Variants in RXFP1 observed in about 807,000 individuals in gnomAD.
RXFP1 encodes the protein relaxin family peptide receptor 1.
Under a neutral mutation model 89.8 loss-of-function variants are expected in RXFP1, and 73 were observed. The observed-to-expected ratio is 0.81, with a 90% CI of 0.67 to 0.99. RXFP1 has a LOEUF of 0.99. Ranked by LOEUF, RXFP1 falls within the 50% of genes least tolerant of loss-of-function variation. The pLI is 0.00. For synonymous variants in RXFP1, 277 were observed against 305.5 expected, an observed-to-expected ratio of 0.91 and a Z score of 0.97; for missense variants, 793 against 895.5, an observed-to-expected ratio of 0.89 and a Z score of 1.46.
At chr4:158,541,519 A>T (rs1746629509) in intron 1 of RXFP1, among the ~76,000 whole-genome samples, 1 of 152,242 alleles carries the variant, frequency 6.6e-6, no homozygotes. Flanking sequence ...AGTTTAAAAT[A>T]TAAAAATATT....
intron 1 of RXFP1, 39 bp from the exon 2 acceptor site, chr4:158,572,659 A>T (rs1755329911): frequency 8.8e-6 from 14 of 1,595,740 alleles, no homozygotes; most frequent in Non-Finnish European, 1.2e-5. Context: ...CTTTGTATTA[A>T]CCACCTTCAA....
At chr4:158,571,870 C>T (rs1755142553) in intron 1 of RXFP1, among the ~76,000 whole-genome samples, 1 of 152,152 alleles carries the variant, frequency 6.6e-6, no homozygotes, top group Admixed American at 6.5e-5. Context: ...GTGGCGATTC[C>T]CGCTCCCTTT....
chr4:158,626,842 C>A lies in RXFP1; in HGVS notation c.778C>A (p.His260Asn). ...HWLDLEGNHI[H>N]NLRNLTFISC... ...CAGGGACCTTGAAGGCAACCATATC[C>A]ATAATTTAAGAAATTTGACTTTTAT... Residue 260 changes from histidine to asparagine, a missense_variant, in exon 10 of 18, where the codon CAT becomes AAT. Physicochemically the swap from His to Asn is moderately conservative, Grantham distance 68 (BLOSUM62 1). Transcript: ENST00000307765. 1 of 1,562,634 alleles carries A rather than the reference C, an allele frequency of 6.4e-7. No individual in the cohort carries two copies. The highest frequency in any genetic ancestry group is 8.7e-7 in the Non-Finnish European group (1 of 1,147,266).
chr4:158,568,087 T>C (rs1754084600), intron 1 of RXFP1, among the ~76,000 whole-genome samples: 1 of 152,178 alleles, frequency 6.6e-6, no homozygotes, highest in South Asian at 2.1e-4. Flanking sequence ...CTTTATGAGC[T>C]GTAATACTCA....
intron 9 of RXFP1, among the ~76,000 whole-genome samples, chr4:158,624,996 C>T (rs1397367475): frequency 6.6e-6 from 1 of 152,108 alleles, no homozygotes; most frequent in Non-Finnish European, 1.5e-5. Context: ...AATATTTTTG[C>T]CAGCCTAATA....
At chr4:158,610,933 A>T (rs1032224597) in intron 6 of RXFP1, among the ~76,000 whole-genome samples, 1 of 152,222 alleles carries the variant, frequency 6.6e-6, no homozygotes, top group Non-Finnish European at 1.5e-5. Context: ...TTTACTCAAG[A>T]TATGAAAGAC....
intron 6 of RXFP1, chr4:158,610,815 A>G: frequency 1.3e-6 from 1 of 753,836 alleles, no homozygotes; most frequent in Non-Finnish European, 1.9e-6. Flanking sequence ...TTTGCAAAGG[A>G]GGGAAGGAAG....
At position 158,593,462 on chromosome 4, in the gene RXFP1, T is replaced by G; in HGVS notation, c.249T>G (p.Thr83=). The G allele has an allele frequency of 6.2e-7, 1 of 1,611,466 alleles. No individual in the cohort carries two copies. Among genetic ancestry groups the G allele is most frequent in the Admixed American group, 1.7e-5 (1 of 59,802 alleles). ...DKYFASYYKM[T]SQYPFEAETP... is the part of the protein sequence containing the mutation. ...ATTTTGCCAGTTACTACAAAATGACTTCCCAATATCCTTTTGAGGCAGAAA... is the reference window on the plus strand; with the variant it reads ...ATTTTGCCAGTTACTACAAAATGACGTCCCAATATCCTTTTGAGGCAGAAA... The change falls in exon 3 of 18, where the codon ACT becomes ACG. Residue 83 remains threonine, a synonymous_variant. Transcript: ENST00000307765.
At chr4:158,612,073 C>G in intron 6 of RXFP1, 57 bp from the exon 7 acceptor site, 1 of 1,365,368 alleles carries the variant, frequency 7.3e-7, no homozygotes, top group Non-Finnish European at 1.0e-6. Context: ...TTTTACTTTT[C>G]TTATTGTAAG....
In RXFP1 at chr4:158,628,655, A is replaced by G; in HGVS notation, c.845A>G (p.Lys282Arg). ...ACTTTCAGAGTGATGAGGAAAAACA[A>G]AATTAATCACTTAAATGAAAATACT... ...NLTVLVMRKNKINHLNENTFA... is the reference protein window; with the variant it reads ...NLTVLVMRKNRINHLNENTFA... The change falls in exon 11 of 18, where the codon AAA (lysine) becomes AGA (arginine). Residue 282 changes from lysine (K) to arginine (R), a missense_variant. By Grantham distance (26) the Lys-to-Arg change is conservative. Transcript: ENST00000307765. 1 of 1,565,494 alleles carries G rather than the reference A, an allele frequency of 6.4e-7. No individual in the cohort carries two copies.
intron 12 of RXFP1, 65 bp downstream of exon 12, chr4:158,633,541 T>C: frequency 9.6e-7 from 1 of 1,040,050 alleles, no homozygotes; most frequent in Non-Finnish European, 1.4e-6. Flanking sequence ...TTGTAAAATA[T>C]GCATAACATA....
chr4:158,573,321 G>A (rs1437369723), intron 2 of RXFP1, among the ~76,000 whole-genome samples: 1 of 151,996 alleles, frequency 6.6e-6, no homozygotes, highest in African/African-American at 2.4e-5. Context: ...ATATCCACTC[G>A]TTTCCATGTA....
chr4:158,547,624 C>T (rs4419435), intron 1 of RXFP1, among the ~76,000 whole-genome samples: 31,958 of 151,562 alleles, frequency 0.21, 4,651 homozygotes, highest in African/African-American at 0.4. Context: ...GCTTTGAATG[C>T]ATCCCAGAGA....
chr4:158,522,272 A>G (rs942467963), intron 1 of RXFP1, among the ~76,000 whole-genome samples: 19 of 152,192 alleles, frequency 1.2e-4, no homozygotes, highest in African/African-American at 4.3e-4. Flanking sequence ...CATAATAACC[A>G]ATTCATATAA....
intron 1 of RXFP1, among the ~76,000 whole-genome samples, chr4:158,571,610 C>G (rs1267462668): frequency 1.3e-5 from 2 of 151,618 alleles, no homozygotes; most frequent in African/African-American, 4.9e-5. Flanking sequence ...TGCAGTGAGC[C>G]AAGATTGTGC....
intron 2 of RXFP1, among the ~76,000 whole-genome samples, chr4:158,592,874 AG>A (rs1759785634): frequency 6.6e-6 from 1 of 151,828 alleles, no homozygotes; most frequent in African/African-American, 2.4e-5. Flanking sequence ...ACAGATTTGA[AG>A]CCAGGAGTTA....
At chr4:158,582,669 T>C (rs1271845145) in intron 2 of RXFP1, among the ~76,000 whole-genome samples, 2 of 152,200 alleles carry the variant, frequency 1.3e-5, no homozygotes, top group Non-Finnish European at 2.9e-5. Context: ...TCCTCTACTA[T>C]TCCTGTGTCA....
At chr4:158,627,219 C>T (rs1197382914) in intron 10 of RXFP1, among the ~76,000 whole-genome samples, 34 of 152,068 alleles carry the variant, frequency 2.2e-4, no homozygotes, top group Admixed American at 2.2e-3. Context: ...GTAATTCCTT[C>T]TTATGCATCT....
chr4:158,570,806 C>T (rs547727144), intron 1 of RXFP1, among the ~76,000 whole-genome samples: 108 of 152,272 alleles, frequency 7.1e-4, no homozygotes, highest in Admixed American at 1.3e-3. Flanking sequence ...AAAACCCAAA[C>T]TTCTTCCCTT....
Sources: gnomAD v4.1 joint callset for allele counts (sites outside exome capture counted in the v4.1 genomes callset) on GRCh38, gnomAD v4.1.1 for gene constraint, MANE v1.5 for transcripts, NCBI Gene and HGNC (gene_info 2026-07-23, HGNC 2026-07-21) for gene names.